The following PIEZO2 variants were observed in gnomAD, a reference collection of about 807,000 sequenced individuals.
The protein encoded by PIEZO2 is piezo type mechanosensitive ion channel component 2.
Under a neutral mutation model 337.3 loss-of-function variants are expected in PIEZO2, and 172 were observed. That is an observed-to-expected ratio of 0.51 (90% CI 0.45 to 0.58). The LOEUF (loss-of-function observed/expected upper bound fraction) is 0.58, where lower values mean the gene tolerates loss of function less well. PIEZO2 is among the 20% of genes least tolerant of loss of function. PIEZO2 has a pLI of 0.00. For synonymous variants in PIEZO2, 1,251 were observed against 1,228.5 expected, an observed-to-expected ratio of 1.02 and a Z score of -0.38; for missense variants, 3,028 against 3,391.3, an observed-to-expected ratio of 0.89 and a Z score of 2.66.
At chr18:10,772,083 G>C (rs1346538101) in intron 20 of PIEZO2, among the ~76,000 whole-genome samples, 1 of 152,190 alleles carries the variant, frequency 6.6e-6, no homozygotes, top group Non-Finnish European at 1.5e-5. Flanking sequence ...AATGTATGCT[G>C]AGGTTGCTAA....
chr18:11,040,260 C>T (rs559609244), intron 2 of PIEZO2, among the ~76,000 whole-genome samples: 1 of 152,202 alleles, frequency 6.6e-6, no homozygotes, highest in Admixed American at 6.5e-5. Flanking sequence ...TGACACCTTA[C>T]GCTTACTCCT....
At chr18:11,085,197 C>T (rs1317344042) in intron 1 of PIEZO2, among the ~76,000 whole-genome samples, 1 of 152,134 alleles carries the variant, frequency 6.6e-6, no homozygotes, top group Non-Finnish European at 1.5e-5. Flanking sequence ...AGATCACAGT[C>T]CCAAGAATCA....
At chr18:10,931,716 G>GT in intron 3 of PIEZO2, among the ~76,000 whole-genome samples, 1 of 25,302 alleles carries the variant, frequency 4.0e-5, no homozygotes, top group South Asian at 2.2e-3. Flanking sequence ...GTGTGTGTGA[G>GT]AGAGAGAGAG....
chr18:10,685,415 A>C (rs1294515918), intron 49 of PIEZO2, among the ~76,000 whole-genome samples: 2 of 152,228 alleles, frequency 1.3e-5, no homozygotes, highest in Non-Finnish European at 2.9e-5. Flanking sequence ...ATGGAAGTAT[A>C]TACTTAAGTA....
rs1011959974 is a variant in PIEZO2, at chr18:10,855,978, CTT to C, written c.704-414_704-413del. 6.8e-6 allele frequency among the ~76,000 whole-genome samples: 1 copy of C among 147,130 alleles called. No homozygotes were observed. ...CCATTTTCTTTATAATAATTTACTA[CTT>C]TTTTTTTTTAAGTTAACTAGTACAT... On this transcript the variant is annotated intron_variant, in intron 6 of 55. Coordinates refer to ENST00000674853, the MANE Select transcript of PIEZO2 (RefSeq NM_001378183.1). The surrounding 1 kb of genome is among the most constrained non-coding windows in gnomAD (Gnocchi z 4.9).
rs2036798964 is a variant in PIEZO2, at chr18:11,033,073, C to A, written c.160+33054G>T. ...CCCAGATAATCCTTTTCTGACTGGT[C>A]ATATACGGACAAGAGGAGAGAAACA... On this transcript the variant is annotated intron_variant, in intron 2 of 55. Coordinates refer to ENST00000674853, the MANE Select transcript of PIEZO2 (RefSeq NM_001378183.1). The surrounding 1 kb of genome is among the most constrained non-coding windows in gnomAD (Gnocchi z 4.2). 6.6e-6 allele frequency among the ~76,000 whole-genome samples: 1 copy of A among 152,192 alleles called. No homozygotes were observed. Among genetic ancestry groups the A allele is most frequent in the Non-Finnish European group, 1.5e-5 (1 of 68,038 alleles).
At chr18:10,807,295 A>T (rs2040031932) in intron 7 of PIEZO2, 21 bp from the exon 8 acceptor site, 1 of 1,528,794 alleles carries the variant, frequency 6.5e-7, no homozygotes, top group Non-Finnish European at 8.8e-7. Flanking sequence ...ACAAAGAAAA[A>T]TGCTTAAAAG....
chr18:10,889,421 A>T (rs1366738097), intron 4 of PIEZO2, among the ~76,000 whole-genome samples: 2 of 152,254 alleles, frequency 1.3e-5, no homozygotes, highest in East Asian at 3.8e-4. Context: ...GTTGACCCTG[A>T]AAACTATAAA....
At chr18:10,892,614 AT>A (rs2042788106) in intron 4 of PIEZO2, among the ~76,000 whole-genome samples, 1 of 151,948 alleles carries the variant, frequency 6.6e-6, no homozygotes, top group South Asian at 2.1e-4. Flanking sequence ...AATGGGTAGA[AT>A]TTTAGGAATG....
chr18:10,701,752 T>G, intron 43 of PIEZO2: 1 of 371,518 alleles, frequency 2.7e-6, no homozygotes, highest in Non-Finnish European at 4.7e-6. Context: ...TCTCCCAGAT[T>G]TATTGTAAGT....
intron 15 of PIEZO2, among the ~76,000 whole-genome samples, chr18:10,788,059 C>T (rs1291559843): frequency 6.6e-6 from 1 of 152,140 alleles, no homozygotes; most frequent in Non-Finnish European, 1.5e-5. Context: ...TAGGAATACT[C>T]TACGACTTCA....
At chr18:10,799,737 C>A (rs957643203) in intron 11 of PIEZO2, among the ~76,000 whole-genome samples, 2 of 152,134 alleles carry the variant, frequency 1.3e-5, no homozygotes, top group African/African-American at 4.8e-5. Flanking sequence ...GTTTGGTAGG[C>A]CAAGGCAGGT....
intron 49 of PIEZO2, among the ~76,000 whole-genome samples, chr18:10,687,968 GTTTAT>G: frequency 6.6e-6 from 1 of 152,232 alleles, no homozygotes; most frequent in Admixed American, 6.5e-5. Flanking sequence ...TAAAATGATT[GTTTAT>G]TTTATTTTAC....
intron 4 of PIEZO2, among the ~76,000 whole-genome samples, chr18:10,880,512 C>CA (rs2042382183): frequency 6.6e-6 from 1 of 151,914 alleles, no homozygotes; most frequent in South Asian, 2.1e-4. Flanking sequence ...GGTGAGAGGA[C>CA]CATCACAGTC....
chr18:10,904,318 T>A (rs1340016353), intron 4 of PIEZO2, among the ~76,000 whole-genome samples: 1 of 152,228 alleles, frequency 6.6e-6, no homozygotes, highest in Non-Finnish European at 1.5e-5. Flanking sequence ...TAAAACCGAG[T>A]TACCGCTTGC....
chr18:10,978,061 G>A (rs530273916), intron 3 of PIEZO2, among the ~76,000 whole-genome samples: 24 of 152,254 alleles, frequency 1.6e-4, no homozygotes, highest in Non-Finnish European at 3.1e-4. Flanking sequence ...GGTGGCTCAC[G>A]CCTGTAATCC....
chr18:10,914,284 G>A (rs1197916925), intron 3 of PIEZO2, among the ~76,000 whole-genome samples: 1 of 150,302 alleles, frequency 6.7e-6, no homozygotes, highest in Admixed American at 6.6e-5. Flanking sequence ...TTTTTTTTCA[G>A]GAAAACCGAA....
intron 3 of PIEZO2, among the ~76,000 whole-genome samples, chr18:10,970,024 T>G (rs940683576): frequency 2.0e-5 from 3 of 152,172 alleles, no homozygotes; most frequent in African/African-American, 7.2e-5. Context: ...ACATGAGAGG[T>G]TCTACCCTTA....
At chr18:11,068,913 T>A (rs1241274614) in intron 1 of PIEZO2, among the ~76,000 whole-genome samples, 1 of 152,086 alleles carries the variant, frequency 6.6e-6, no homozygotes, top group South Asian at 2.1e-4. Flanking sequence ...ATAAACTGGA[T>A]AACCTAGAGG....
Sources: gnomAD v4.1 joint callset for allele counts (sites outside exome capture counted in the v4.1 genomes callset) on GRCh38, gnomAD v4.1.1 for gene constraint, Gnocchi (gnomAD v3.1) non-coding constraint, MANE v1.5 for transcripts, NCBI Gene and HGNC (gene_info 2026-07-23, HGNC 2026-07-21) for gene names.